LOXL2: variants seen among roughly 807,000 people sequenced by gnomAD.
The protein encoded by LOXL2 is lysyl oxidase like 2.
LOXL2 carries 70 observed loss-of-function variants against 93.0 expected under a neutral mutation model. The observed-to-expected ratio is 0.75, with a 90% CI of 0.62 to 0.92. The LOEUF (loss-of-function observed/expected upper bound fraction) is 0.92, where lower values mean the gene tolerates loss of function less well. Ranked by LOEUF, LOXL2 falls within the 40% of genes least tolerant of loss-of-function variation. The pLI is 0.00. For missense variants in LOXL2, 973 were observed against 1,054.9 expected (o/e 0.92, Z 1.08); for synonymous variants, 438 against 413.2 (o/e 1.06, Z -0.73).
In LOXL2 at chr8:23,303,704, GC is replaced by G. The variant is rs568740568; in HGVS notation, c.1881-308del. On this transcript the variant is annotated intron_variant, in intron 10 of 13. Transcript: ENST00000389131. ...GGAGGTGAGCAGATTAGCCAGCACT[GC>G]ATATGATAAGCACAGAACTCCAGCT... 4.7e-4 allele frequency among the ~76,000 whole-genome samples: 71 copies of G among 152,264 alleles called. 1 individual carries two copies. The highest frequency in any genetic ancestry group is 1.6e-3 in the African/African-American group (66 of 41,540).
At chr8:23,375,943 C>A (rs1237664239) in intron 1 of LOXL2, among the ~76,000 whole-genome samples, 1 of 152,090 alleles carries the variant, frequency 6.6e-6, no homozygotes, top group Non-Finnish European at 1.5e-5. Context: ...TTTCTCCTGC[C>A]TGATTGCCCT....
At chr8:23,335,466 T>C (rs1241824511) in intron 4 of LOXL2, among the ~76,000 whole-genome samples, 1 of 151,954 alleles carries the variant, frequency 6.6e-6, no homozygotes, top group African/African-American at 2.4e-5. Context: ...TAAATAAAAC[T>C]GTATTTGTTA....
At chr8:23,332,713 C>A (rs1252728021) in intron 5 of LOXL2, among the ~76,000 whole-genome samples, 1 of 84,604 alleles carries the variant, frequency 1.2e-5, no homozygotes, top group Non-Finnish European at 2.2e-5. Flanking sequence ...CATACACATG[C>A]ACTCATACAC....
At chr8:23,369,046 G>A (rs1482072148) in intron 1 of LOXL2, among the ~76,000 whole-genome samples, 4 of 152,194 alleles carry the variant, frequency 2.6e-5, no homozygotes, top group African/African-American at 7.2e-5. Context: ...GAGGGAGCCC[G>A]TGTGGGACAG....
intron 2 of LOXL2, among the ~76,000 whole-genome samples, chr8:23,367,093 G>T (rs531250652): frequency 1.3e-5 from 2 of 152,256 alleles, no homozygotes; most frequent in East Asian, 3.9e-4. Flanking sequence ...CTGTCACCCA[G>T]GCTGGAGTGC....
At chr8:23,320,102 C>G (rs751941550) in intron 7 of LOXL2, 50 bp from the exon 8 acceptor site, 1 of 1,586,136 alleles carries the variant, frequency 6.3e-7, no homozygotes, top group Admixed American at 1.7e-5. Flanking sequence ...AAGGGAGCTT[C>G]CCCCCTACGC....
At chr8:23,306,397 C>T (rs1803229515) in intron 10 of LOXL2, among the ~76,000 whole-genome samples, 1 of 152,216 alleles carries the variant, frequency 6.6e-6, no homozygotes, top group Admixed American at 6.5e-5. Context: ...CACTCCTGTC[C>T]TCGTTTCAGA....
At chr8:23,343,675 T>C (rs1257282431) in intron 3 of LOXL2, among the ~76,000 whole-genome samples, 1 of 152,234 alleles carries the variant, frequency 6.6e-6, no homozygotes, top group Non-Finnish European at 1.5e-5. Context: ...GTGATGGCAC[T>C]TGGCTCCGTT....
At chr8:23,350,548 C>T (rs764500610) in intron 3 of LOXL2, among the ~76,000 whole-genome samples, 4 of 152,200 alleles carry the variant, frequency 2.6e-5, no homozygotes, top group Non-Finnish European at 5.9e-5. Context: ...CCAGCCTGGG[C>T]AACAAGAGCG....
At chr8:23,379,694 T>C (rs1188380286) in intron 1 of LOXL2, among the ~76,000 whole-genome samples, 1 of 152,150 alleles carries the variant, frequency 6.6e-6, no homozygotes, top group Non-Finnish European at 1.5e-5. Flanking sequence ...CAGACTGCTG[T>C]GCTAGCAATG....
At chr8:23,324,561 T>C (rs921857131) in intron 6 of LOXL2, among the ~76,000 whole-genome samples, 5 of 152,190 alleles carry the variant, frequency 3.3e-5, no homozygotes, top group Admixed American at 6.5e-5. Flanking sequence ...GCATTCTGCA[T>C]CCTTGACCTG....
At chr8:23,333,755 C>T (rs186750484) in intron 4 of LOXL2, 132 bp from the exon 5 acceptor site, 9 of 697,488 alleles carry the variant, frequency 1.3e-5, no homozygotes, top group Admixed American at 7.8e-5. Flanking sequence ...AGGGTCCCAG[C>T]TCAGTCCATT....
intron 1 of LOXL2, among the ~76,000 whole-genome samples, chr8:23,403,385 A>C (rs564063866): frequency 9.2e-4 from 140 of 152,006 alleles, no homozygotes; most frequent in Admixed American, 1.8e-3. Context: ...CGCGCTCCCA[A>C]CAGCCTTTCG....
At chr8:23,395,048 G>C (rs948907057) in intron 1 of LOXL2, among the ~76,000 whole-genome samples, 1 of 152,148 alleles carries the variant, frequency 6.6e-6, no homozygotes, top group Non-Finnish European at 1.5e-5. Flanking sequence ...GAGGTCAAGA[G>C]ATCGAGACCA....
At chr8:23,368,525 A>G (rs780582595) in intron 1 of LOXL2, 91 bp from the exon 2 acceptor site, 2 of 617,024 alleles carry the variant, frequency 3.2e-6, no homozygotes, top group African/African-American at 1.8e-5. Context: ...TTGGCTTAAT[A>G]TGGAAAGCTC....
chr8:23,335,333 G>A (rs538007401), intron 4 of LOXL2, among the ~76,000 whole-genome samples: 20 of 152,300 alleles, frequency 1.3e-4, no homozygotes, highest in African/African-American at 4.6e-4. Context: ...AAAGTGCTGG[G>A]ATTATAGGCA....
chr8:23,397,702 T>C (rs1330587599), intron 1 of LOXL2, among the ~76,000 whole-genome samples: 1 of 147,722 alleles, frequency 6.8e-6, no homozygotes, highest in Non-Finnish European at 1.5e-5. Context: ...GGCGTGAACT[T>C]GGGAGGCGGA....
rs543794988 is a variant in LOXL2 at position 23,323,946 on chromosome 8, C to T, written c.1151-1665G>A. Among the ~76,000 whole-genome samples the T allele has an allele frequency of 1.7e-4, 26 of 152,230 alleles. 1 individual carries two copies. The South Asian group carries it at 4.6e-3, about 27-fold the overall frequency. ...CGATCTCTTGACCTTGTGATCTGCC[C>T]GCCTCGGCCTCCCAAAGTGCTGGGA... On this transcript the variant is annotated intron_variant, in intron 6 of 13. Coordinates refer to ENST00000389131, the MANE Select transcript of LOXL2 (RefSeq NM_002318.3).
At chr8:23,304,738 C>T (rs540664059) in intron 10 of LOXL2, among the ~76,000 whole-genome samples, 137 of 152,322 alleles carry the variant, frequency 9.0e-4, no homozygotes, top group Non-Finnish European at 1.4e-3. Context: ...ATAGCAGTCA[C>T]GGTGGCAGGA....
Sources: allele counts gnomAD v4.1 joint callset (sites outside exome capture counted in the v4.1 genomes callset), GRCh38; gene constraint gnomAD v4.1.1; transcripts MANE v1.5; gene names NCBI Gene and HGNC (gene_info 2026-07-23, HGNC 2026-07-21).